UQCC2: variants seen among roughly 807,000 people sequenced by gnomAD.
UQCC2 encodes the protein breast cancer-associated protein SGA-81M.
A neutral mutation model predicts 19.9 loss-of-function variants in UQCC2; 21 were observed. The ratio of observed to expected loss-of-function variants is 1.05; its 90% CI spans 0.75 to 1.52. The LOEUF is 1.52. Among genes scored for constraint, UQCC2 ranks in the 40% most tolerant of loss-of-function variants. The pLI is 0.00. For missense variants in UQCC2, 135 were observed against 157.5 expected, an observed-to-expected ratio of 0.86 and a Z score of 0.76; for synonymous variants, 57 against 60.9, an observed-to-expected ratio of 0.94 and a Z score of 0.30.
intron 1 of UQCC2, among the ~76,000 whole-genome samples, chr6:33,709,599 G>T (rs1211477693): frequency 1.3e-5 from 2 of 152,066 alleles, no homozygotes; most frequent in Admixed American, 6.6e-5. Context: ...TTTACACTTT[G>T]GGCCAGTGAA....
chr6:33,702,011 C>G (rs371629123), intron 1 of UQCC2, among the ~76,000 whole-genome samples: 2 of 151,946 alleles, frequency 1.3e-5, no homozygotes, highest in East Asian at 3.9e-4. Flanking sequence ...CCAGTAGATT[C>G]TTTTGTTTTT....
At chr6:33,711,397 G>C in intron 1 of UQCC2, 152 bp downstream of exon 1, 1 of 1,165,614 alleles carries the variant, frequency 8.6e-7, no homozygotes, top group Non-Finnish European at 1.2e-6. Flanking sequence ...GTCGCTATCA[G>C]TAGCTCCCTG....
rs763431285 is a variant in UQCC2, at chr6:33,711,673, C to G, written c.14G>C (p.Arg5Pro). Residue 5 changes from arginine to proline, a missense_variant, in exon 1 of 4, where the codon CGG becomes CCG. By Grantham distance (103) the Arg-to-Pro change is moderately radical. Transcript: ENST00000607484. ...ACAGAGCTTAAGAAAACGCCGGTAC[C>G]GGCTGGCCGCCATCTTGGGCCCCGC... MAAS[R>P]YRRFLKLCEE... The G allele has an allele frequency of 6.2e-7, 1 of 1,609,808 alleles. No homozygotes were observed. Among genetic ancestry groups the G allele is most frequent in the South Asian group, 1.1e-5 (1 of 90,768 alleles).
intron 2 of UQCC2, among the ~76,000 whole-genome samples, chr6:33,700,786 G>A (rs1765630933): frequency 6.6e-6 from 1 of 152,256 alleles, no homozygotes; most frequent in Non-Finnish European, 1.5e-5. Flanking sequence ...CAGTTCCCAG[G>A]TGATGCCCAT....
chr6:33,704,180 C>A (rs1409232927), intron 1 of UQCC2, among the ~76,000 whole-genome samples: 1 of 152,226 alleles, frequency 6.6e-6, no homozygotes, highest in African/African-American at 2.4e-5. Context: ...GTAGTAAACA[C>A]AGGCCCCTGT....
chr6:33,705,494 CT>C (rs1765689696), intron 1 of UQCC2, among the ~76,000 whole-genome samples: 1 of 152,140 alleles, frequency 6.6e-6, no homozygotes, highest in Non-Finnish European at 1.5e-5. Flanking sequence ...CTAACTGAGG[CT>C]GTAAAAGCAG....
chr6:33,704,415 A>G (rs1479636624), intron 1 of UQCC2, among the ~76,000 whole-genome samples: 4 of 152,222 alleles, frequency 2.6e-5, no homozygotes, highest in African/African-American at 9.6e-5. Context: ...TTACCAGTGG[A>G]TCAGCATGGC....
intron 1 of UQCC2, among the ~76,000 whole-genome samples, chr6:33,705,125 G>A (rs964429204): frequency 6.6e-6 from 1 of 151,174 alleles, no homozygotes; most frequent in African/African-American, 2.4e-5. Flanking sequence ...TCCGCCTCCC[G>A]GGTTCATGCC....
At chr6:33,700,230 C>T (rs1765623118) in intron 3 of UQCC2, among the ~76,000 whole-genome samples, 1 of 152,166 alleles carries the variant, frequency 6.6e-6, no homozygotes, top group Non-Finnish European at 1.5e-5. Flanking sequence ...AATTTAAAAG[C>T]CCTAAAGATA....
At chr6:33,701,920 G>A (rs954624403) in intron 1 of UQCC2, among the ~76,000 whole-genome samples, 2 of 151,846 alleles carry the variant, frequency 1.3e-5, no homozygotes, top group African/African-American at 2.4e-5. Context: ...GCAGAAGGGA[G>A]AAGGGCAGGC....
chr6:33,709,045 A>G (rs1334957952), intron 1 of UQCC2, among the ~76,000 whole-genome samples: 1 of 152,168 alleles, frequency 6.6e-6, no homozygotes, highest in Admixed American at 6.5e-5. Context: ...ATCAGAAACG[A>G]TTGCCCTAGG....
chr6:33,700,326 G>C (rs1765624315), intron 3 of UQCC2, 118 bp downstream of exon 3: 1 of 1,106,798 alleles, frequency 9.0e-7, no homozygotes, highest in Non-Finnish European at 1.4e-6. Flanking sequence ...AATTTCCTCT[G>C]GGCTGTTCTA....
At chr6:33,709,343 CTATAT>C (rs976668564) in intron 1 of UQCC2, among the ~76,000 whole-genome samples, 1 of 152,222 alleles carries the variant, frequency 6.6e-6, no homozygotes, top group Non-Finnish European at 1.5e-5. Context: ...ACATCTGAAA[CTATAT>C]TCAAATTATC....
chr6:33,709,057 G>A (rs762858185), intron 1 of UQCC2, among the ~76,000 whole-genome samples: 2 of 152,226 alleles, frequency 1.3e-5, no homozygotes, highest in Admixed American at 6.5e-5. Context: ...TGCCCTAGGT[G>A]ATGACAACTC....
At chr6:33,711,316 TC>T (rs1765767453) in intron 1 of UQCC2, among the ~76,000 whole-genome samples, 1 of 152,094 alleles carries the variant, frequency 6.6e-6, no homozygotes, top group South Asian at 2.1e-4. Context: ...ACCCGGCCCA[TC>T]TGGAGTTTAA....
At chr6:33,706,852 A>C (rs566078283) in intron 1 of UQCC2, among the ~76,000 whole-genome samples, 1 of 152,366 alleles carries the variant, frequency 6.6e-6, no homozygotes, top group African/African-American at 2.4e-5. Flanking sequence ...TCAAAGGATC[A>C]GAATTGCTTG....
intron 3 of UQCC2, among the ~76,000 whole-genome samples, chr6:33,699,963 CAG>C: frequency 1.3e-5 from 2 of 152,328 alleles, no homozygotes; most frequent in East Asian, 1.9e-4. Flanking sequence ...TCTTGATAAT[CAG>C]AGTCTATCAA....
intron 1 of UQCC2, 126 bp downstream of exon 1, chr6:33,711,423 C>G (rs1305207103): frequency 2.9e-6 from 4 of 1,358,092 alleles, no homozygotes; most frequent in Non-Finnish European, 3.9e-6. Context: ...AAAAGGGGGT[C>G]CGCGCTCACG....
intron 1 of UQCC2, among the ~76,000 whole-genome samples, chr6:33,707,404 C>A (rs1765713020): frequency 6.6e-6 from 1 of 152,170 alleles, no homozygotes; most frequent in East Asian, 1.9e-4. Context: ...TAGCTCCCTG[C>A]CACACTGAGG....
Sources: gnomAD v4.1 joint callset for allele counts (sites outside exome capture counted in the v4.1 genomes callset) on GRCh38, gnomAD v4.1.1 for gene constraint, MANE v1.5 for transcripts, NCBI Gene and HGNC (gene_info 2026-07-23, HGNC 2026-07-21) for gene names.